The following DPYD variants were observed in gnomAD, a reference collection of about 807,000 sequenced individuals.
DPYD encodes dihydropyrimidine dehydrogenase, also known as dihydropyrimidine dehydrogenase [NADP(+)].
A neutral mutation model predicts 116.2 loss-of-function variants in DPYD; 109 were observed. The ratio of observed to expected loss-of-function variants is 0.94; its 90% CI spans 0.80 to 1.10. DPYD has a LOEUF of 1.10. Ranked by LOEUF, DPYD falls within the 50% of genes least tolerant of loss-of-function variation. The probability of loss-of-function intolerance (pLI) is 0.00; values close to 1 mark genes in which losing one functional copy is unlikely to be tolerated. For synonymous variants in DPYD, 440 were observed against 432.0 expected, an observed-to-expected ratio of 1.02 and a Z score of -0.23; for missense variants, 1,302 against 1,254.5, an observed-to-expected ratio of 1.04 and a Z score of -0.57.
intron 14 of DPYD, among the ~76,000 whole-genome samples, chr1:97,447,484 G>A (rs969888290): frequency 4.6e-5 from 7 of 152,174 alleles, no homozygotes; most frequent in East Asian, 1.9e-4. Context: ...TATTTAAAAC[G>A]TTATCTTCGA....
intron 19 of DPYD, among the ~76,000 whole-genome samples, chr1:97,198,606 A>G (rs1313735992): frequency 2.6e-5 from 4 of 152,182 alleles, no homozygotes; most frequent in Non-Finnish European, 5.9e-5. Context: ...TTAAAACTCC[A>G]AACATGTAGC....
intron 7 of DPYD, among the ~76,000 whole-genome samples, chr1:97,681,740 G>C (rs1322752035): frequency 6.6e-6 from 1 of 151,988 alleles, no homozygotes; most frequent in East Asian, 1.9e-4. Flanking sequence ...TAATTTCGCT[G>C]TTTGTTTTAT....
intron 3 of DPYD, among the ~76,000 whole-genome samples, chr1:97,779,049 T>C (rs1372241020): frequency 2.0e-5 from 3 of 152,116 alleles, no homozygotes; most frequent in Non-Finnish European, 4.4e-5. Context: ...CTGGAATTTA[T>C]TTGAGATTTT....
intron 20 of DPYD, among the ~76,000 whole-genome samples, chr1:97,158,624 C>T (rs1655667396): frequency 6.6e-6 from 1 of 151,772 alleles, no homozygotes. Context: ...TGCCTGAGAA[C>T]AGGCTCAGGG....
chr1:97,082,888 G>T (rs1394459037), intron 21 of DPYD, among the ~76,000 whole-genome samples: 2 of 152,136 alleles, frequency 1.3e-5, no homozygotes, highest in African/African-American at 4.8e-5. Context: ...TGCTCATAAT[G>T]AAGGGAATAC....
intron 3 of DPYD, among the ~76,000 whole-genome samples, chr1:97,795,941 T>G (rs897560734): frequency 7.2e-5 from 11 of 152,006 alleles, no homozygotes; most frequent in Admixed American, 7.2e-4. Flanking sequence ...TTATAAATTT[T>G]CTGATAATGA....
chr1:97,227,906 T>C (rs922105511), intron 19 of DPYD, among the ~76,000 whole-genome samples: 3 of 152,016 alleles, frequency 2.0e-5, no homozygotes, highest in Admixed American at 2.0e-4. Flanking sequence ...ATTTAATTCC[T>C]CAATTAGCAA....
intron 10 of DPYD, among the ~76,000 whole-genome samples, chr1:97,586,499 T>TCTGTGAAA (rs1654124968): frequency 8.2e-6 from 1 of 121,452 alleles, no homozygotes; most frequent in Non-Finnish European, 1.7e-5. Context: ...TATATATATA[T>TCTGTGAAA]ATATATATAT....
chr1:97,803,543 C>G (rs1213867047), intron 3 of DPYD, among the ~76,000 whole-genome samples: 2 of 151,830 alleles, frequency 1.3e-5, no homozygotes, highest in Non-Finnish European at 2.9e-5. Context: ...ACACATACTT[C>G]TATCCAAGTA....
rs957047949 is a variant in DPYD at position 97,549,683 on chromosome 1, T to A, written c.1401A>T (p.Glu467Asp). Residue 467 changes from glutamate to aspartate, a missense_variant, in exon 12 of 23, where the codon GAA (glutamate) becomes GAT (aspartate). Glu to Asp is a conservative substitution (Grantham distance 45). Coordinates refer to ENST00000370192, the MANE Select transcript of DPYD (RefSeq NM_000110.4). ...NRWGLPEVDP[E>D]TMQTSEAWVF... ...CCCATGCTTCACTAGTTTGCATAGT[T>A]TCTGGATCTACTTCTGGGAGACCCC... 7 of 1,613,770 alleles carry A rather than the reference T, an allele frequency of 4.3e-6. No individual in the cohort carries two copies. In the Admixed American group the frequency reaches 1.2e-4, roughly 27 times the overall value.
At chr1:97,528,285 C>T (rs1649299679) in intron 12 of DPYD, among the ~76,000 whole-genome samples, 1 of 152,028 alleles carries the variant, frequency 6.6e-6, no homozygotes, top group African/African-American at 2.4e-5. Context: ...ATAAAATTTC[C>T]TTCTGATATA....
At chr1:97,604,423 A>T (rs971807982) in intron 8 of DPYD, among the ~76,000 whole-genome samples, 1 of 152,212 alleles carries the variant, frequency 6.6e-6, no homozygotes, top group South Asian at 2.1e-4. Context: ...GTGCTACCAT[A>T]TAATTATTTT....
chr1:97,621,836 T>A (rs1656649421), intron 8 of DPYD, among the ~76,000 whole-genome samples: 1 of 151,656 alleles, frequency 6.6e-6, no homozygotes, highest in Admixed American at 6.6e-5. Context: ...TGCATGCACA[T>A]ACACACATAC....
At chr1:97,109,304 T>A (rs1651419308) in intron 20 of DPYD, among the ~76,000 whole-genome samples, 1 of 152,108 alleles carries the variant, frequency 6.6e-6, no homozygotes, top group Non-Finnish European at 1.5e-5. Flanking sequence ...CACAGAGTAT[T>A]AACAATACAT....
At chr1:97,890,056 A>G (rs1225568899) in intron 1 of DPYD, among the ~76,000 whole-genome samples, 1 of 152,010 alleles carries the variant, frequency 6.6e-6, no homozygotes, top group Non-Finnish European at 1.5e-5. Flanking sequence ...TAAAATGTCC[A>G]GAATAAGCAA....
intron 20 of DPYD, among the ~76,000 whole-genome samples, chr1:97,181,654 T>C (rs887399683): frequency 6.6e-6 from 1 of 152,160 alleles, no homozygotes; most frequent in African/African-American, 2.4e-5. Context: ...AAGTACCATC[T>C]GAAAAATCTG....
chr1:97,786,073 TAAA>T (rs111700704), intron 3 of DPYD, among the ~76,000 whole-genome samples: 2 of 132,944 alleles, frequency 1.5e-5, no homozygotes, highest in African/African-American at 2.8e-5. Context: ...TCAGCCAAAT[TAAA>T]AAAAAAAAAA....
intron 1 of DPYD, among the ~76,000 whole-genome samples, chr1:97,909,931 G>A (rs1421841271): frequency 1.3e-5 from 2 of 151,946 alleles, no homozygotes; most frequent in Non-Finnish European, 2.9e-5. Context: ...TATTAAATTT[G>A]TGTTCCCCAC....
At chr1:97,423,558 T>G (rs1157391318) in intron 14 of DPYD, among the ~76,000 whole-genome samples, 2 of 152,106 alleles carry the variant, frequency 1.3e-5, no homozygotes, top group African/African-American at 4.8e-5. Flanking sequence ...AATGAGTTAA[T>G]GCATTGTCCT....
Sources: allele counts gnomAD v4.1 joint callset (sites outside exome capture counted in the v4.1 genomes callset), GRCh38; gene constraint gnomAD v4.1.1; transcripts MANE v1.5; gene names NCBI Gene and HGNC (gene_info 2026-07-23, HGNC 2026-07-21).